The following RALGAPA1 variants were observed in gnomAD, a reference collection of about 807,000 sequenced individuals.
RALGAPA1 encodes the protein Ral GTPase activating protein catalytic subunit alpha 1.
In RALGAPA1, 52 loss-of-function variants were observed where a neutral mutation model predicts 269.6. That is an observed-to-expected ratio of 0.19 (90% CI 0.15 to 0.24). The LOEUF is 0.24. Among genes scored for constraint, RALGAPA1 ranks in the 10% least tolerant of loss-of-function variants. The probability of loss-of-function intolerance (pLI) is 1.00; values close to 1 mark genes in which losing one functional copy is unlikely to be tolerated. For synonymous variants in RALGAPA1, 817 were observed against 1,008.3 expected (o/e 0.81, Z 3.60); for missense variants, 1,917 against 3,013.9 (o/e 0.64, Z 8.52).
At chr14:35,681,170 G>T (rs865844121) in intron 21 of RALGAPA1, among the ~76,000 whole-genome samples, 1 of 152,150 alleles carries the variant, frequency 6.6e-6, no homozygotes, top group Non-Finnish European at 1.5e-5. Flanking sequence ...GTATGATAAT[G>T]TATGCAAACT....
intron 39 of RALGAPA1, among the ~76,000 whole-genome samples, chr14:35,570,208 T>G (rs2057065343): frequency 6.7e-6 from 1 of 150,244 alleles, no homozygotes. Flanking sequence ...AGTCGGAGGT[T>G]GCAGTGAGCT....
intron 18 of RALGAPA1, among the ~76,000 whole-genome samples, chr14:35,687,925 T>A (rs1567006526): frequency 6.6e-6 from 1 of 152,250 alleles, no homozygotes; most frequent in Non-Finnish European, 1.5e-5. Context: ...AATTTCCTCA[T>A]CACTGATAGT....
intron 19 of RALGAPA1, 61 bp downstream of exon 19, chr14:35,686,481 T>C: frequency 7.3e-7 from 1 of 1,375,284 alleles, no homozygotes; most frequent in Non-Finnish European, 9.9e-7. Context: ...TGTACATAGG[T>C]ATATATCTGT....
intron 11 of RALGAPA1, among the ~76,000 whole-genome samples, 167 bp downstream of exon 11, chr14:35,742,201 C>T (rs548197869): frequency 2.0e-4 from 30 of 152,248 alleles, no homozygotes; most frequent in South Asian, 8.3e-4. Flanking sequence ...CTTTGCTATA[C>T]GGTACTGAGA....
intron 33 of RALGAPA1, 22 bp downstream of exon 33, chr14:35,634,552 T>C (rs1462533819): frequency 6.3e-7 from 1 of 1,597,474 alleles, no homozygotes; most frequent in South Asian, 1.1e-5. Context: ...AACAATATTG[T>C]CCTGAACAGA....
At chr14:35,557,418 G>C (rs1358999793) in intron 39 of RALGAPA1, among the ~76,000 whole-genome samples, 1 of 151,620 alleles carries the variant, frequency 6.6e-6, no homozygotes, top group African/African-American at 2.4e-5. Context: ...TAATTATTGG[G>C]AATACAAAAA....
chr14:35,627,754 A>T lies in RALGAPA1; in HGVS notation c.6193T>A (p.Phe2065Ile). 1 of 1,613,784 alleles carries T rather than the reference A, an allele frequency of 6.2e-7. No individual in the cohort carries two copies. The highest frequency in any genetic ancestry group is 8.5e-7 in the Non-Finnish European group (1 of 1,179,826). The change falls in exon 34 of 42, where the codon TTC becomes ATC. Residue 2065 changes from phenylalanine to isoleucine, a missense_variant. This residue lies in a region of RALGAPA1 where 346 missense variants were observed against 566.1 expected (regional missense o/e 0.61). Coordinates refer to ENST00000680220, the MANE Select transcript of RALGAPA1 (RefSeq NM_001346249.2). ...AAGGTTGTATTATTTAACACAAAGA[A>T]CTGGATATTTGGACTCTCAAAGAGT... ...PELFESPNIQFFVLNNTTLVS... is the reference protein window; with the variant it reads ...PELFESPNIQIFVLNNTTLVS...
chr14:35,678,423 T>C (rs1448313074), intron 21 of RALGAPA1, among the ~76,000 whole-genome samples: 1 of 152,158 alleles, frequency 6.6e-6, no homozygotes, highest in African/African-American at 2.4e-5. Context: ...GTCATTCTAT[T>C]TCACTTAAAT....
In RALGAPA1 at chr14:35,551,756, T is replaced by C. The variant is rs142232745; in HGVS notation, c.7497-2522A>G. 2.3e-3 allele frequency among the ~76,000 whole-genome samples: 345 copies of C among 152,106 alleles called. 10 individuals carry two copies. The East Asian group carries it at 0.056, about 25-fold the overall frequency. ...CTACTTCCTTATACAAAGAGGCTTA[T>C]AAAATGGAAAAAATCCTAATACACA... On this transcript the variant is annotated intron_variant, in intron 39 of 41. Coordinates refer to ENST00000680220, the MANE Select transcript of RALGAPA1 (RefSeq NM_001346249.2).
At chr14:35,600,449 C>G (rs954179896) in intron 36 of RALGAPA1, among the ~76,000 whole-genome samples, 1 of 151,916 alleles carries the variant, frequency 6.6e-6, no homozygotes, top group African/African-American at 2.4e-5. Flanking sequence ...CCAGGCTGGT[C>G]TCAAAACTCC....
intron 5 of RALGAPA1, 36 bp from the exon 6 acceptor site, chr14:35,761,042 A>T (rs1490109883): frequency 6.9e-7 from 1 of 1,444,978 alleles, no homozygotes; most frequent in Non-Finnish European, 9.4e-7. Context: ...ATTTTTATTT[A>T]TAATGGAAAT....
chr14:35,668,801 A>T (rs1006802166), intron 26 of RALGAPA1, among the ~76,000 whole-genome samples: 1 of 152,226 alleles, frequency 6.6e-6, no homozygotes, highest in Non-Finnish European at 1.5e-5. Context: ...CAAGACCCTG[A>T]TATCTCAAAA....
chr14:35,761,615 G>C (rs1386866648), intron 5 of RALGAPA1, among the ~76,000 whole-genome samples: 1 of 152,006 alleles, frequency 6.6e-6, no homozygotes, highest in Non-Finnish European at 1.5e-5. Context: ...CTCTATTAAA[G>C]CATCTAAAAC....
At chr14:35,650,466 A>G (rs1467288291) in intron 31 of RALGAPA1, among the ~76,000 whole-genome samples, 4 of 152,190 alleles carry the variant, frequency 2.6e-5, no homozygotes, top group Admixed American at 6.6e-5. Context: ...TGATGATGAT[A>G]AAGTATTTAT....
intron 35 of RALGAPA1, among the ~76,000 whole-genome samples, chr14:35,609,380 A>T (rs1263891231): frequency 6.6e-6 from 1 of 152,182 alleles, no homozygotes; most frequent in Admixed American, 6.5e-5. Context: ...AAATGTAACA[A>T]TTTACTCCTA....
At chr14:35,554,088 A>T (rs1169263268) in intron 39 of RALGAPA1, among the ~76,000 whole-genome samples, 3 of 152,140 alleles carry the variant, frequency 2.0e-5, no homozygotes, top group Admixed American at 6.5e-5. Context: ...TTTAAAAAAA[A>T]TTTTTGGTGA....
intron 37 of RALGAPA1, among the ~76,000 whole-genome samples, chr14:35,593,698 AAAAT>A (rs2058767161): frequency 6.6e-6 from 1 of 152,092 alleles, no homozygotes; most frequent in South Asian, 2.1e-4. Context: ...ATCTCTTCCA[AAAAT>A]AAATAAATTA....
At chr14:35,787,769 T>C (rs1353231277) in intron 1 of RALGAPA1, among the ~76,000 whole-genome samples, 1 of 149,478 alleles carries the variant, frequency 6.7e-6, no homozygotes, top group Non-Finnish European at 1.5e-5. Flanking sequence ...GTTGTAGAGA[T>C]GGGGGTCTCA....
chr14:35,650,016 A>C (rs1309807448), intron 31 of RALGAPA1, among the ~76,000 whole-genome samples: 1 of 152,238 alleles, frequency 6.6e-6, no homozygotes, highest in African/African-American at 2.4e-5. Context: ...TCCAGAAATT[A>C]TTCATAAACT....
Sources: allele counts gnomAD v4.1 joint callset (sites outside exome capture counted in the v4.1 genomes callset), GRCh38; gene constraint gnomAD v4.1.1; regional missense constraint gnomAD v4.1.1; transcripts MANE v1.5; gene names NCBI Gene and HGNC (gene_info 2026-07-23, HGNC 2026-07-21).